The following LEKR1 variants were observed in gnomAD, a reference collection of about 807,000 sequenced individuals.
LEKR1 encodes the protein leucine, glutamate and lysine rich 1, also known as protein LEKR1.
In LEKR1, 59 loss-of-function variants were observed where a neutral mutation model predicts 72.4. The observed-to-expected ratio is 0.82, with a 90% CI of 0.66 to 1.01. The LOEUF is 1.01. Among genes scored for constraint, LEKR1 ranks in the 50% least tolerant of loss-of-function variants. The pLI is 0.00. For synonymous variants in LEKR1, 257 were observed against 263.2 expected (o/e 0.98, Z 0.23); for missense variants, 728 against 759.2 (o/e 0.96, Z 0.48).
intron 4 of LEKR1, among the ~76,000 whole-genome samples, chr3:156,926,056 A>G (rs1724690420): frequency 6.6e-6 from 1 of 152,208 alleles, no homozygotes; most frequent in African/African-American, 2.4e-5. Context: ...AAATTTATTA[A>G]TAGAAAGATA....
intron 9 of LEKR1, among the ~76,000 whole-genome samples, chr3:157,008,100 C>G (rs1037041427): frequency 1.3e-5 from 2 of 152,178 alleles, no homozygotes; most frequent in Admixed American, 6.5e-5. Context: ...TTTTTCCAGC[C>G]TAAAGACTAA....
chr3:156,982,606 T>G (rs1730293957), intron 7 of LEKR1, among the ~76,000 whole-genome samples: 1 of 152,170 alleles, frequency 6.6e-6, no homozygotes, highest in Non-Finnish European at 1.5e-5. Context: ...CTGTAGTGAA[T>G]GTTCAGAAGG....
intron 3 of LEKR1, among the ~76,000 whole-genome samples, chr3:156,870,011 C>CTGGA (rs1295503750): frequency 1.3e-5 from 2 of 151,972 alleles, no homozygotes; most frequent in Admixed American, 6.6e-5. Context: ...AATCCTCTGG[C>CTGGA]TGGAAATATG....
chr3:156,872,028 T>C (rs777022795), intron 3 of LEKR1, among the ~76,000 whole-genome samples: 2 of 152,092 alleles, frequency 1.3e-5, no homozygotes, highest in Non-Finnish European at 2.9e-5. Flanking sequence ...AGTTCTTCTT[T>C]GAAAGTTAGG....
At chr3:156,849,605 A>G (rs1192652172) in intron 2 of LEKR1, among the ~76,000 whole-genome samples, 1 of 152,214 alleles carries the variant, frequency 6.6e-6, no homozygotes, top group East Asian at 1.9e-4. Context: ...ATAATGCCAC[A>G]TATCTACAAC....
chr3:156,927,800 A>G lies in LEKR1; in HGVS notation c.559+196A>G, dbSNP rs183424371. Among the ~76,000 whole-genome samples, 32 of 152,058 alleles carry G rather than the reference A, an allele frequency of 2.1e-4. No homozygotes were observed. In the East Asian group the frequency reaches 6.0e-3, roughly 28 times the overall value. ...ATAGGTTTATCTAAGATAATCTATG[A>G]TACATCTATCCTGAACTGTGGCCAG... On this transcript the variant is annotated intron_variant, in intron 5 of 12. Transcript: ENST00000356539.
chr3:156,899,335 TATATACAC>T (rs1383625843), intron 3 of LEKR1, among the ~76,000 whole-genome samples: 2 of 127,696 alleles, frequency 1.6e-5, no homozygotes, highest in Admixed American at 7.9e-5. Context: ...CATATATACA[TATATACAC>T]ATATATACAT....
chr3:156,909,607 C>T (rs1010005421), intron 3 of LEKR1, among the ~76,000 whole-genome samples: 19 of 149,056 alleles, frequency 1.3e-4, no homozygotes, highest in Non-Finnish European at 2.4e-4. Flanking sequence ...GCCGAGATCA[C>T]GCCACTGCAC....
intron 2 of LEKR1, among the ~76,000 whole-genome samples, chr3:156,846,659 G>A (rs1034116425): frequency 6.6e-6 from 1 of 151,960 alleles, no homozygotes; most frequent in Non-Finnish European, 1.5e-5. Flanking sequence ...TTTTGAGTAA[G>A]GGCATCTTAC....
intron 2 of LEKR1, among the ~76,000 whole-genome samples, chr3:156,843,939 A>G (rs1280941550): frequency 6.6e-6 from 1 of 152,112 alleles, no homozygotes; most frequent in East Asian, 1.9e-4. Context: ...TGGAGAGACT[A>G]TTCACTTATT....
At chr3:157,029,857 T>C (rs1194239087) in intron 12 of LEKR1, among the ~76,000 whole-genome samples, 2 of 152,110 alleles carry the variant, frequency 1.3e-5, no homozygotes, top group African/African-American at 4.8e-5. Context: ...TAACTATTCA[T>C]TCACAAAAGA....
chr3:156,888,477 G>A, intron 3 of LEKR1: 1 of 677,824 alleles, frequency 1.5e-6, no homozygotes, highest in Non-Finnish European at 2.7e-6. Context: ...GAAGTCAATG[G>A]ATTTATTATG....
intron 10 of LEKR1, among the ~76,000 whole-genome samples, chr3:157,018,606 T>G (rs9842862): frequency 0.82 from 124,640 of 152,006 alleles, 51,814 homozygotes; most frequent in African/African-American, 0.95. Flanking sequence ...ATGTAGGGGT[T>G]GGGGGGACAG....
chr3:156,878,798 T>A (rs1718921663), intron 3 of LEKR1, among the ~76,000 whole-genome samples: 3 of 152,036 alleles, frequency 2.0e-5, no homozygotes. Flanking sequence ...TGGGAAATAA[T>A]TGAATCATGG....
chr3:156,852,806 C>A lies in LEKR1; in HGVS notation c.87C>A (p.Val29=). 1 of 1,534,264 alleles carries A rather than the reference C, an allele frequency of 6.5e-7. No individual in the cohort carries two copies. Among genetic ancestry groups the A allele is most frequent in the South Asian group, 1.2e-5 (1 of 83,678 alleles). ...PEEKVCKYCG[V]SYLILHEFKA... ...AAAAAGTTTGTAAGTACTGTGGAGT[C>A]AGCTATCTAATTCTTCATGAATTTA... Residue 29 remains valine, a synonymous_variant, in exon 3 of 13, where the codon GTC becomes GTA. Transcript: ENST00000356539.
At chr3:156,963,194 T>C (rs1273432855) in intron 6 of LEKR1, among the ~76,000 whole-genome samples, 1 of 152,184 alleles carries the variant, frequency 6.6e-6, no homozygotes, top group African/African-American at 2.4e-5. Context: ...AACACTAGGC[T>C]TGATCAGGAA....
chr3:157,031,326 T>C (rs987984605), intron 12 of LEKR1, among the ~76,000 whole-genome samples: 10 of 152,064 alleles, frequency 6.6e-5, no homozygotes, highest in Non-Finnish European at 1.3e-4. Context: ...TCACAGATCA[T>C]TGCTAGAGAG....
intron 3 of LEKR1, among the ~76,000 whole-genome samples, chr3:156,872,652 G>T (rs944649765): frequency 2.0e-5 from 3 of 151,892 alleles, no homozygotes; most frequent in South Asian, 4.2e-4. Flanking sequence ...TTCAAATTTT[G>T]TTTGTTTCAA....
chr3:157,024,039 A>G (rs1734028756), intron 10 of LEKR1, among the ~76,000 whole-genome samples: 1 of 152,190 alleles, frequency 6.6e-6, no homozygotes. Flanking sequence ...TCATGATCAC[A>G]TGGATGACTG....
Sources: gnomAD v4.1 joint callset for allele counts (sites outside exome capture counted in the v4.1 genomes callset) on GRCh38, gnomAD v4.1.1 for gene constraint, MANE v1.5 for transcripts, NCBI Gene and HGNC (gene_info 2026-07-23, HGNC 2026-07-21) for gene names.